The following GFRA1 variants were observed in gnomAD, a reference collection of about 807,000 sequenced individuals.
GFRA1 encodes GDNF family receptor alpha-1.
A neutral mutation model predicts 51.6 loss-of-function variants in GFRA1; 16 were observed. The ratio of observed to expected loss-of-function variants is 0.31; its 90% confidence interval spans 0.21 to 0.47. The LOEUF is 0.47. Among genes scored for constraint, GFRA1 ranks in the 20% least tolerant of loss-of-function variants. The pLI, the probability that GFRA1 is intolerant of heterozygous loss-of-function variation, is 1.00. For missense variants in GFRA1, 530 were observed against 594.3 expected, an observed-to-expected ratio of 0.89 and a Z score of 1.13; for synonymous variants, 270 against 241.3, an observed-to-expected ratio of 1.12 and a Z score of -1.10.
At chr10:116,169,644 T>A (rs1304223138) in intron 5 of GFRA1, among the ~76,000 whole-genome samples, 3 of 152,050 alleles carry the variant, frequency 2.0e-5, no homozygotes, top group Non-Finnish European at 4.4e-5. Context: ...AAGAGTTCAG[T>A]CCCCAGCTGA....
chr10:116,116,991 A>G (rs1957436757), intron 6 of GFRA1, among the ~76,000 whole-genome samples: 1 of 152,200 alleles, frequency 6.6e-6, no homozygotes, highest in Admixed American at 6.5e-5. Context: ...TGAACGGTGT[A>G]AGAACATTGT....
Position 116,195,428 on chromosome 10 carries a change from C to T in GFRA1, c.433+16203G>A, listed in dbSNP as rs577840958. 1.1e-4 allele frequency among the ~76,000 whole-genome samples: 16 copies of T among 152,200 alleles called. No homozygotes were observed. The East Asian group carries it at 1.5e-3, about 15-fold the overall frequency. On this transcript the variant is annotated intron_variant, in intron 5 of 10. Transcript: ENST00000355422. The stretch of plus-strand genomic sequence containing the variant: ...GAAGACAACTTTTCCATGCAAGGGG[C>T]GGGGGTATTGCTTAAGGATGAAACT...
intron 9 of GFRA1, among the ~76,000 whole-genome samples, chr10:116,077,223 A>G (rs1009838014): frequency 6.6e-6 from 1 of 152,192 alleles, no homozygotes; most frequent in African/African-American, 2.4e-5. Flanking sequence ...TATTCTAGCT[A>G]TAGGAGATTA....
intron 8 of GFRA1, 58 bp from the exon 9 acceptor site, chr10:116,089,980 G>T: frequency 6.9e-7 from 1 of 1,451,850 alleles, no homozygotes; most frequent in Non-Finnish European, 9.5e-7. Flanking sequence ...GTAACAGACA[G>T]GATATACACA....
rs147181606 is a variant in GFRA1, at chr10:116,268,460, C to T, written c.418+1043G>A. ...GTGATGACTGGCTCACTGCCCAAAC[C>T]GCAATAGCTAGAACACAGTAGGTGC... On this transcript the variant is annotated intron_variant, in intron 4 of 10. Transcript: ENST00000355422. Among the ~76,000 whole-genome samples the T allele has an allele frequency of 3.1e-3, 466 of 152,238 alleles. 8 individuals carry two copies. Among genetic ancestry groups the T allele is most frequent in the Admixed American group, 8.4e-3 (128 of 15,296 alleles).
At chr10:116,167,968 G>A (rs1347136359) in intron 5 of GFRA1, among the ~76,000 whole-genome samples, 1 of 152,000 alleles carries the variant, frequency 6.6e-6, no homozygotes, top group African/African-American at 2.4e-5. Context: ...GGGAGGGTGA[G>A]GAATATAGAC....
At chr10:116,065,758 T>G (rs976216947) in intron 9 of GFRA1, 132 bp from the exon 10 acceptor site, 2 of 691,604 alleles carry the variant, frequency 2.9e-6, no homozygotes, top group Non-Finnish European at 5.1e-6. Context: ...CCATATATAA[T>G]TGAACATTTT....
At chr10:116,184,513 C>T (rs995411892) in intron 5 of GFRA1, among the ~76,000 whole-genome samples, 1 of 152,238 alleles carries the variant, frequency 6.6e-6, no homozygotes, top group African/African-American at 2.4e-5. Context: ...CAGGGACCTG[C>T]GGCCCTGGGT....
At chr10:116,133,417 A>C in intron 5 of GFRA1, among the ~76,000 whole-genome samples, 1 of 152,148 alleles carries the variant, frequency 6.6e-6, no homozygotes, top group East Asian at 1.9e-4. Context: ...AGATCCCAAA[A>C]CCTAGGACAA....
At chr10:116,130,083 T>TA (rs371902019) in intron 5 of GFRA1, among the ~76,000 whole-genome samples, 7,890 of 136,978 alleles carry the variant, frequency 0.058, 688 homozygotes, top group African/African-American at 0.19. Context: ...GATCAATGAA[T>TA]AAAAAAAAAA....
intron 9 of GFRA1, among the ~76,000 whole-genome samples, chr10:116,088,756 C>A (rs550941418): frequency 6.6e-6 from 1 of 151,278 alleles, no homozygotes; most frequent in Admixed American, 6.6e-5. Flanking sequence ...ACGTCTCTAC[C>A]AAAAAATACA....
At chr10:116,201,233 A>G (rs368647972) in intron 5 of GFRA1, among the ~76,000 whole-genome samples, 13 of 152,314 alleles carry the variant, frequency 8.5e-5, no homozygotes, top group African/African-American at 2.9e-4. Context: ...GTAGTCCTTG[A>G]GTAATGAAAG....
intron 4 of GFRA1, among the ~76,000 whole-genome samples, chr10:116,246,842 C>T (rs951109884): frequency 2.0e-5 from 3 of 152,148 alleles, no homozygotes; most frequent in Admixed American, 6.5e-5. Flanking sequence ...ATAAAATGTG[C>T]ATGCCTCATA....
chr10:116,116,613 G>A (rs930901179), intron 6 of GFRA1, among the ~76,000 whole-genome samples: 5 of 152,186 alleles, frequency 3.3e-5, no homozygotes, highest in African/African-American at 1.2e-4. Flanking sequence ...AATATGCCTG[G>A]ACTGAATAAT....
At chr10:116,258,614 T>C (rs1969074038) in intron 4 of GFRA1, among the ~76,000 whole-genome samples, 1 of 152,098 alleles carries the variant, frequency 6.6e-6, no homozygotes, top group African/African-American at 2.4e-5. Context: ...ATTTCTCCCA[T>C]GCATGTTACA....
At chr10:116,163,966 C>G (rs1226640844) in intron 5 of GFRA1, among the ~76,000 whole-genome samples, 1 of 152,182 alleles carries the variant, frequency 6.6e-6, no homozygotes, top group Non-Finnish European at 1.5e-5. Flanking sequence ...GGACATGCTT[C>G]ATAAATGGTC....
chr10:116,205,153 G>C (rs73372464), intron 5 of GFRA1, among the ~76,000 whole-genome samples: 10,669 of 152,188 alleles, frequency 0.07, 1,202 homozygotes, highest in African/African-American at 0.24. Context: ...CTGAACCACT[G>C]TCATGCAGCA....
Position 116,059,348 on chromosome 10 carries a change from G to A in GFRA1, c.*5050C>T, listed in dbSNP as rs1260916665. The A allele has an allele frequency of 6.6e-6, 1 of 152,228 alleles. No individual in the cohort carries two copies. The highest frequency in any genetic ancestry group is 6.5e-5 in the Admixed American group (1 of 15,282). The allele number at this position is 152,228 out of a possible 1,614,324, so 9.4% of individuals were successfully genotyped here. A position where few individuals can be genotyped will look rare whatever the true frequency, so the allele number is the denominator to read the frequency against. On this transcript the variant is annotated 3_prime_UTR_variant, in exon 11 of 11. Coordinates refer to ENST00000355422, the MANE Select transcript of GFRA1 (RefSeq NM_005264.8). ...GCCCTACAGAAGAAAATTGGGGATT[G>A]GTAAGAAAGCCTAGCCTGAGAGGAA...
intron 5 of GFRA1, among the ~76,000 whole-genome samples, chr10:116,189,413 C>A (rs1055213256): frequency 3.9e-5 from 6 of 152,130 alleles, no homozygotes; most frequent in African/African-American, 1.4e-4. Context: ...ATGTATGTTT[C>A]TTTTCCCAAA....
Sources: gnomAD v4.1 joint callset for allele counts (sites outside exome capture counted in the v4.1 genomes callset) on GRCh38, gnomAD v4.1.1 for gene constraint, MANE v1.5 for transcripts, NCBI Gene and HGNC (gene_info 2026-07-23, HGNC 2026-07-21) for gene names.